DMRT1: variants seen among roughly 807,000 people sequenced by gnomAD.
The protein encoded by DMRT1 is doublesex and mab-3 related transcription factor 1, also known as doublesex- and mab-3-related transcription factor 1.
In DMRT1, 7 loss-of-function variants were observed where a neutral mutation model predicts 32.3. That is an observed-to-expected ratio of 0.22 (90% CI 0.12 to 0.41). DMRT1 has a LOEUF of 0.41. Among genes scored for constraint, DMRT1 ranks in the 10% least tolerant of loss-of-function variants. The pLI is 1.00. For synonymous variants in DMRT1, 278 were observed against 206.1 expected (o/e 1.35, Z -2.99); for missense variants, 625 against 500.5 (o/e 1.25, Z -2.37).
chr9:904,739 G>A lies in DMRT1; in HGVS notation c.822+10544G>A, dbSNP rs568835838. On this transcript the variant is annotated intron_variant, in intron 3 of 4. Coordinates refer to ENST00000382276, the MANE Select transcript of DMRT1 (RefSeq NM_021951.3). Reference sequence around the variant, plus strand: ...GCAGGTGGATCACCTGAGGTCAGGAGTTTGAGACCAATCTCAGCAACATGG... The same window carrying A: ...GCAGGTGGATCACCTGAGGTCAGGAATTTGAGACCAATCTCAGCAACATGG... 3.3e-5 allele frequency among the ~76,000 whole-genome samples: 5 copies of A among 152,304 alleles called. No homozygotes were observed. The East Asian group carries it at 9.7e-4, about 29-fold the overall frequency.
chr9:858,868 A>ATAT (rs1180300154), intron 2 of DMRT1, among the ~76,000 whole-genome samples: 17 of 17,168 alleles, frequency 9.9e-4, no homozygotes, highest in East Asian at 2.5e-3. Flanking sequence ...AAAAAAAAAA[A>ATAT]AAATATATAT....
Position 845,172 on chromosome 9 carries a change from A to G in DMRT1, c.355-1788A>G, listed in dbSNP as rs796142653. 3.8e-4 allele frequency among the ~76,000 whole-genome samples: 58 copies of G among 152,270 alleles called. 1 individual carries two copies. Among genetic ancestry groups the G allele is most frequent in the African/African-American group, 1.1e-3 (46 of 41,550 alleles). On this transcript the variant is annotated intron_variant, in intron 1 of 4. Transcript: ENST00000382276. ...GTTACATGTAGAAAGCAAAAATACA[A>G]TTAATTTTCTTTAAACCTGTTTTTT...
At chr9:961,091 A>C (rs984716732) in intron 4 of DMRT1, among the ~76,000 whole-genome samples, 1 of 152,176 alleles carries the variant, frequency 6.6e-6, no homozygotes, top group Non-Finnish European at 1.5e-5. Context: ...TGGAGAGGTT[A>C]AGGGACCTGT....
At chr9:911,105 C>G (rs1381806067) in intron 3 of DMRT1, among the ~76,000 whole-genome samples, 1 of 152,096 alleles carries the variant, frequency 6.6e-6, no homozygotes, top group Admixed American at 6.5e-5. Flanking sequence ...GAGCTTCTCA[C>G]CTTGGCGCTG....
At chr9:860,552 A>G (rs916745124) in intron 2 of DMRT1, among the ~76,000 whole-genome samples, 1 of 152,078 alleles carries the variant, frequency 6.6e-6, no homozygotes, top group African/African-American at 2.4e-5. Flanking sequence ...TAGGTGCAGG[A>G]TATATAGCAG....
intron 3 of DMRT1, among the ~76,000 whole-genome samples, chr9:913,271 C>T (rs915681172): frequency 4.6e-5 from 7 of 152,134 alleles, no homozygotes; most frequent in African/African-American, 1.7e-4. Context: ...GTAGATGTGA[C>T]AAACTCAGCC....
rs1433988190 is a variant in DMRT1, at chr9:916,792, G to T, written c.852G>T (p.Met284Ile). The T allele has an allele frequency of 6.8e-6, 11 of 1,614,178 alleles. No individual in the cohort carries two copies. Among genetic ancestry groups the T allele is most frequent in the Admixed American group, 1.7e-5 (1 of 60,026 alleles). ...QMKNMENRHA[M>I]SSQYRMHSYY... is the part of the protein sequence containing the mutation. Reference sequence around the variant, plus strand: ...AGAACATGGAGAACCGCCATGCAATGAGCTCCCAGTACAGGATGCATTCTT... The same window carrying T: ...AGAACATGGAGAACCGCCATGCAATTAGCTCCCAGTACAGGATGCATTCTT... The change falls in exon 4 of 5, where the codon ATG becomes ATT. Residue 284 changes from methionine (M) to isoleucine (I), a missense_variant. By Grantham distance (10) the Met-to-Ile change is conservative. Around this residue, in one of 3 missense-constraint regions of DMRT1, gnomAD observed 416 missense variants for 321.6 expected, o/e 1.29. Transcript: ENST00000382276.
At chr9:869,565 C>T (rs1262255739) in intron 2 of DMRT1, among the ~76,000 whole-genome samples, 1 of 152,122 alleles carries the variant, frequency 6.6e-6, no homozygotes, top group African/African-American at 2.4e-5. Context: ...TGATTTGACT[C>T]TGGCCATATT....
chr9:869,998 T>A (rs1360173993), intron 2 of DMRT1, among the ~76,000 whole-genome samples: 2 of 152,224 alleles, frequency 1.3e-5, no homozygotes, highest in Admixed American at 1.3e-4. Flanking sequence ...GATAAACAGT[T>A]GAGCACCCAG....
intron 2 of DMRT1, among the ~76,000 whole-genome samples, chr9:886,318 C>T (rs1816926439): frequency 6.6e-6 from 1 of 152,114 alleles, no homozygotes; most frequent in Non-Finnish European, 1.5e-5. Flanking sequence ...TGCAATGGTG[C>T]GATCTCGGCT....
chr9:842,139 C>A lies in DMRT1; in HGVS notation c.301C>A (p.Gln101Lys). ...GCGCTTCTGCATGTGGCGCGACTGC[C>A]AGTGCAAGAAGTGCAACCTGATCGC... ...HKRFCMWRDC[Q>K]CKKCNLIAER... The change falls in exon 1 of 5, where the codon CAG (glutamine) becomes AAG (lysine). Residue 101 changes from glutamine (Q) to lysine (K), a missense_variant. This residue lies in a region of DMRT1 where 201 missense variants were observed against 152.0 expected (regional missense o/e 1.32). Coordinates refer to ENST00000382276, the MANE Select transcript of DMRT1 (RefSeq NM_021951.3). 6.5e-7 allele frequency: 1 copy of A among 1,547,514 alleles called. No individual in the cohort carries two copies. Among genetic ancestry groups the A allele is most frequent in the South Asian group, 1.2e-5 (1 of 84,720 alleles).
chr9:924,098 GTC>G (rs1818444671), intron 4 of DMRT1, among the ~76,000 whole-genome samples: 2 of 146,322 alleles, frequency 1.4e-5, no homozygotes, highest in African/African-American at 5.0e-5. Flanking sequence ...TCCACCTGGA[GTC>G]TCTCTCTGTC....
chr9:868,675 A>G (rs892397339), intron 2 of DMRT1, among the ~76,000 whole-genome samples: 6 of 152,220 alleles, frequency 3.9e-5, no homozygotes, highest in Non-Finnish European at 5.9e-5. Context: ...AATGTTGTTT[A>G]TGAATTGCAG....
In DMRT1 at chr9:949,779, T is replaced by G. The variant is rs80218312; in HGVS notation, c.968-18206T>G. On this transcript the variant is annotated intron_variant, in intron 4 of 4. Transcript: ENST00000382276. Reference sequence around the variant, plus strand: ...ACTCTGCTTCTGTGGGTTTGGCTATTTTAGATTTCTCATGTAAGTGGAAAT... The same window carrying G: ...ACTCTGCTTCTGTGGGTTTGGCTATGTTAGATTTCTCATGTAAGTGGAAAT... 1.2e-3 allele frequency among the ~76,000 whole-genome samples: 177 copies of G among 152,320 alleles called. 5 individuals are homozygous for G. In the East Asian group the frequency reaches 0.034, roughly 29 times the overall value.
rs148527466 is a variant in DMRT1, at chr9:866,386, C to T, written c.538+19243C>T. Among the ~76,000 whole-genome samples the T allele has an allele frequency of 9.8e-3, 1,496 of 152,152 alleles. 9 individuals are homozygous for T. The highest frequency in any genetic ancestry group is 0.014 in the Non-Finnish European group (959 of 68,010). ...TGTCATAATATTTCAGACCCCTTGA[C>T]GTCACCACCTTTAAGAAGCAATATG... On this transcript the variant is annotated intron_variant, in intron 2 of 4. Coordinates refer to ENST00000382276, the MANE Select transcript of DMRT1 (RefSeq NM_021951.3).
intron 1 of DMRT1, among the ~76,000 whole-genome samples, chr9:843,880 A>G (rs1443307995): frequency 1.3e-5 from 2 of 152,212 alleles, no homozygotes; most frequent in Non-Finnish European, 2.9e-5. Flanking sequence ...TCATGAAAAT[A>G]GATATTGTTT....
intron 2 of DMRT1, among the ~76,000 whole-genome samples, chr9:852,001 G>C (rs971008440): frequency 6.7e-6 from 1 of 150,152 alleles, no homozygotes; most frequent in Non-Finnish European, 1.5e-5. Context: ...GTGCTGTGGC[G>C]CGATCCCAGC....
chr9:967,014 C>A (rs1819950544), intron 4 of DMRT1, among the ~76,000 whole-genome samples: 1 of 152,214 alleles, frequency 6.6e-6, no homozygotes, highest in Non-Finnish European at 1.5e-5. Context: ...CAGTTAGTTA[C>A]ACAAACATTA....
intron 4 of DMRT1, among the ~76,000 whole-genome samples, chr9:934,170 AT>A (rs1818813218): frequency 6.6e-6 from 1 of 152,228 alleles, no homozygotes; most frequent in South Asian, 2.1e-4. Context: ...GGATGCTTTC[AT>A]TAAAACCAAA....
Sources: allele counts gnomAD v4.1 joint callset (sites outside exome capture counted in the v4.1 genomes callset), GRCh38; gene constraint gnomAD v4.1.1; regional missense constraint gnomAD v4.1.1; transcripts MANE v1.5; gene names NCBI Gene and HGNC (gene_info 2026-07-23, HGNC 2026-07-21).